The following DNAH14 variants were observed in gnomAD, a reference collection of about 807,000 sequenced individuals.
DNAH14 encodes the protein axonemal beta dynein heavy chain 14.
A neutral mutation model predicts 520.9 loss-of-function variants in DNAH14; 478 were observed. The ratio of observed to expected loss-of-function variants is 0.92; its 90% CI spans 0.85 to 0.99. The LOEUF (loss-of-function observed/expected upper bound fraction) is 0.99. Among genes scored for constraint, DNAH14 ranks in the 50% least tolerant of loss-of-function variants. DNAH14 has a pLI of 0.00. For synonymous variants in DNAH14, 1,581 were observed against 1,757.2 expected, an observed-to-expected ratio of 0.90 and a Z score of 2.51; for missense variants, 4,831 against 5,234.5, an observed-to-expected ratio of 0.92 and a Z score of 2.38.
chr1:225,372,180 T>C (rs1434496565), intron 77 of DNAH14, among the ~76,000 whole-genome samples: 1 of 152,176 alleles, frequency 6.6e-6, no homozygotes, highest in Non-Finnish European at 1.5e-5. Context: ...CCAAAATTAA[T>C]AATCAGATAT....
At chr1:225,194,322 T>C (rs554443946) in intron 38 of DNAH14, among the ~76,000 whole-genome samples, 18 of 152,036 alleles carry the variant, frequency 1.2e-4, no homozygotes, top group Non-Finnish European at 2.5e-4. Flanking sequence ...TGCAGACACA[T>C]AGACAAGTAG....
chr1:225,098,127 G>C (rs1449629337), intron 22 of DNAH14, among the ~76,000 whole-genome samples: 1 of 151,978 alleles, frequency 6.6e-6, no homozygotes, highest in Non-Finnish European at 1.5e-5. Context: ...GATCCAGAAG[G>C]CCATGGCTGC....
At chr1:225,206,939 T>G (rs781161474) in intron 40 of DNAH14, 29 bp from the exon 41 acceptor site, 2 of 1,422,540 alleles carry the variant, frequency 1.4e-6, no homozygotes, top group Non-Finnish European at 1.8e-6. Context: ...TTTATTTACA[T>G]AAGATTATAT....
chr1:225,332,085 C>T (rs1326438619), intron 65 of DNAH14, among the ~76,000 whole-genome samples: 1 of 152,094 alleles, frequency 6.6e-6, no homozygotes, highest in African/African-American at 2.4e-5. Flanking sequence ...CCTTCTGAAC[C>T]CTTTTAGCTC....
chr1:225,308,345 A>G lies in DNAH14; in HGVS notation c.9175A>G (p.Met3059Val), dbSNP rs1341175570. 6.5e-7 allele frequency: 1 copy of G among 1,544,114 alleles called. No individual in the cohort carries two copies. The highest frequency in any genetic ancestry group is 2.0e-5 in the Admixed American group (1 of 49,490). ...TTCACAAGTAGTTGAGAAAGTTCAGATGCTTGTTAAACAGGATGAAGAAAT... is the reference window on the plus strand; with the variant it reads ...TTCACAAGTAGTTGAGAAAGTTCAGGTGCTTGTTAAACAGGATGAAGAAAT... ...KDSQVVEKVQMLVKQDEEIVA... is the reference protein window; with the variant it reads ...KDSQVVEKVQVLVKQDEEIVA... Residue 3059 changes from methionine to valine, a missense_variant, in exon 60 of 86, where the codon ATG becomes GTG. Met to Val is a conservative substitution (Grantham distance 21). Coordinates refer to ENST00000682510, the MANE Select transcript of DNAH14 (RefSeq NM_001367479.1).
At chr1:225,396,529 A>G (rs1406549792) in intron 84 of DNAH14, 1 of 152,216 alleles carries the variant, frequency 6.6e-6, no homozygotes, top group Non-Finnish European at 1.5e-5. Flanking sequence ...CTCTTCCTAC[A>G]TAACCCATTA....
intron 1 of DNAH14, among the ~76,000 whole-genome samples, chr1:224,951,156 G>A (rs2060145510): frequency 6.6e-6 from 1 of 152,114 alleles, no homozygotes; most frequent in Non-Finnish European, 1.5e-5. Context: ...CTCTCAAGTA[G>A]CTGGGATTAC....
chr1:225,019,852 AAAG>A (rs1472078121), intron 10 of DNAH14, among the ~76,000 whole-genome samples: 1 of 152,180 alleles, frequency 6.6e-6, no homozygotes, highest in Non-Finnish European at 1.5e-5. Context: ...GGACACAACT[AAAG>A]AAGGATGAAG....
chr1:225,260,223 G>T (rs2092886126), intron 46 of DNAH14, among the ~76,000 whole-genome samples: 1 of 152,016 alleles, frequency 6.6e-6, no homozygotes, highest in African/African-American at 2.4e-5. Context: ...GTGGTGGCAG[G>T]TGCCTGTAAT....
intron 63 of DNAH14, 58 bp from the exon 64 acceptor site, chr1:225,324,679 A>G (rs1299362077): frequency 5.0e-6 from 7 of 1,411,622 alleles, no homozygotes; most frequent in Non-Finnish European, 6.8e-6. Context: ...TATAAATGGC[A>G]TTTTTAACAG....
In DNAH14 at chr1:225,338,149, G is replaced by A. The variant is rs2095100098; in HGVS notation, c.10400G>A (p.Gly3467Asp). ...QKKGHYFIRV[G>D]DAEFEYNSNF... ...AAAGGACACTATTTCATAAGGGTTGGTGATGCTGAGTTCGAATACAATTCA... is the reference window on the plus strand; with the variant it reads ...AAAGGACACTATTTCATAAGGGTTGATGATGCTGAGTTCGAATACAATTCA... Residue 3467 changes from glycine (G) to aspartate (D), a missense_variant, in exon 68 of 86, where the codon GGT becomes GAT. Physicochemically the swap from Gly to Asp is moderately conservative, Grantham distance 94. Transcript: ENST00000682510. 6.4e-7 allele frequency: 1 copy of A among 1,551,922 alleles called. No homozygotes were observed. Among genetic ancestry groups the A allele is most frequent in the East Asian group, 2.4e-5 (1 of 40,884 alleles).
At chr1:224,956,655 A>G (rs948952451) in intron 3 of DNAH14, among the ~76,000 whole-genome samples, 2 of 152,024 alleles carry the variant, frequency 1.3e-5, no homozygotes, top group Non-Finnish European at 2.9e-5. Flanking sequence ...ATTTCTTCCT[A>G]TTTTACCTAT....
intron 4 of DNAH14, among the ~76,000 whole-genome samples, chr1:224,963,155 C>G (rs775801477): frequency 6.6e-6 from 1 of 151,884 alleles, no homozygotes; most frequent in Non-Finnish European, 1.5e-5. Flanking sequence ...ATTAAGAATT[C>G]TTGAAATATT....
chr1:225,392,739 G>C (rs538890743), intron 84 of DNAH14, among the ~76,000 whole-genome samples: 1 of 152,350 alleles, frequency 6.6e-6, no homozygotes, highest in East Asian at 1.9e-4. Context: ...GAATGCTGCT[G>C]AGGTCAGCAT....
chr1:224,976,587 A>C (rs1190924837), intron 8 of DNAH14, among the ~76,000 whole-genome samples: 1 of 152,268 alleles, frequency 6.6e-6, no homozygotes, highest in South Asian at 2.1e-4. Flanking sequence ...CAACCTGCTC[A>C]TCTGACAAAG....
chr1:225,344,288 G>A (rs1011852715), intron 69 of DNAH14, among the ~76,000 whole-genome samples: 1 of 149,852 alleles, frequency 6.7e-6, no homozygotes, highest in East Asian at 2.0e-4. Flanking sequence ...AGGTAAACTT[G>A]TGTCATGGGG....
In DNAH14 at chr1:225,038,829, ATGATCTTTG is replaced by A; in HGVS notation, c.1488+7_1488+15del. ...CAGACACTGATATTAATGAGGTAAA[ATGATCTTTG>A]AAAAATATAAACATAGATTTTTTGC... On this transcript the variant is annotated splice_region_variant and intron_variant, in intron 12 of 85. Transcript: ENST00000682510. 1 of 1,472,312 alleles carries A rather than the reference ATGATCTTTG, an allele frequency of 6.8e-7. No homozygotes were observed. Among genetic ancestry groups the A allele is most frequent in the African/African-American group, 1.5e-5 (1 of 68,616 alleles). 91.2% of individuals were successfully genotyped at this position (1,472,312 alleles called of 1,614,324 possible). A position where few individuals can be genotyped will look rare whatever the true frequency, so the allele number is the denominator to read the frequency against.
intron 31 of DNAH14, among the ~76,000 whole-genome samples, chr1:225,148,108 T>C (rs1041337906): frequency 6.6e-6 from 1 of 152,170 alleles, no homozygotes; most frequent in Non-Finnish European, 1.5e-5. Flanking sequence ...CAGGCATGTG[T>C]CATTATGATA....
chr1:225,148,792 G>T (rs562051976), intron 31 of DNAH14, among the ~76,000 whole-genome samples: 271 of 152,198 alleles, frequency 1.8e-3, no homozygotes, highest in African/African-American at 5.9e-3. Context: ...TAATAGAGTT[G>T]TTTGTTTTTG....
Sources: allele counts gnomAD v4.1 joint callset (sites outside exome capture counted in the v4.1 genomes callset), GRCh38; gene constraint gnomAD v4.1.1; transcripts MANE v1.5; gene names NCBI Gene and HGNC (gene_info 2026-07-23, HGNC 2026-07-21).